Variants in FER observed in about 807,000 individuals in gnomAD.
FER encodes tyrosine-protein kinase Fer.
A neutral mutation model predicts 111.0 loss-of-function variants in FER; 63 were observed. That is an observed-to-expected ratio of 0.57 (90% CI 0.46 to 0.70). The LOEUF (loss-of-function observed/expected upper bound fraction) is 0.70, where lower values mean the gene tolerates loss of function less well. Among genes scored for constraint, FER ranks in the 30% least tolerant of loss-of-function variants. FER has a pLI of 0.00. For missense variants in FER, 914 were observed against 954.0 expected, an observed-to-expected ratio of 0.96 and a Z score of 0.55; for synonymous variants, 327 against 313.9, an observed-to-expected ratio of 1.04 and a Z score of -0.44.
At chr5:108,836,842 C>T (rs557069654) in intron 5 of FER, among the ~76,000 whole-genome samples, 1 of 151,932 alleles carries the variant, frequency 6.6e-6, no homozygotes, top group Non-Finnish European at 1.5e-5. Context: ...CCCTTGGACT[C>T]CCTGTTTGTC....
In FER at chr5:108,997,854, G is replaced by T. The variant is rs185793996; in HGVS notation, c.1656+38507G>T. 9.2e-5 allele frequency among the ~76,000 whole-genome samples: 14 copies of T among 152,276 alleles called. No homozygotes were observed. The East Asian group carries it at 2.7e-3, about 29-fold the overall frequency. ...CAGAGAGGAGGAATCTAGAGGGGCA[G>T]TCTGGCCACAGTGGCCTTGCTGAGC... On this transcript the variant is annotated intron_variant, in intron 13 of 19. Transcript: ENST00000281092.
intron 1 of FER, among the ~76,000 whole-genome samples, chr5:108,751,065 G>T (rs1156310950): frequency 6.6e-6 from 1 of 152,110 alleles, no homozygotes; most frequent in African/African-American, 2.4e-5. Context: ...GGTGGTGCAT[G>T]CCTGTAATCC....
chr5:108,906,888 T>C (rs1223343504), intron 10 of FER, among the ~76,000 whole-genome samples: 1 of 152,194 alleles, frequency 6.6e-6, no homozygotes, highest in African/African-American at 2.4e-5. Context: ...TTCTACCAGT[T>C]GAAACCTGTT....
intron 10 of FER, among the ~76,000 whole-genome samples, chr5:108,937,958 C>T (rs1755712765): frequency 6.6e-6 from 1 of 151,364 alleles, no homozygotes; most frequent in Non-Finnish European, 1.5e-5. Context: ...GTTCATCCTT[C>T]TCTTTCTTCT....
chr5:108,782,849 CT>C (rs1754249772), intron 2 of FER: 3 of 152,180 alleles, frequency 2.0e-5, no homozygotes, highest in Admixed American at 1.3e-4. Flanking sequence ...CTAATTGCCC[CT>C]GTACTGTTTG....
At chr5:109,057,690 A>C (rs1773823247) in intron 16 of FER, among the ~76,000 whole-genome samples, 2 of 152,204 alleles carry the variant, frequency 1.3e-5, no homozygotes. Context: ...AGATATAAAG[A>C]ACCTGCATAG....
intron 10 of FER, among the ~76,000 whole-genome samples, chr5:108,938,440 T>C (rs775590773): frequency 2.0e-5 from 3 of 151,834 alleles, no homozygotes; most frequent in Non-Finnish European, 4.4e-5. Flanking sequence ...GGCCAGATAT[T>C]TAGGGCCCAT....
intron 3 of FER, among the ~76,000 whole-genome samples, chr5:108,818,672 G>A (rs1758525314): frequency 6.6e-6 from 1 of 152,140 alleles, no homozygotes. Flanking sequence ...TATTGGGGCG[G>A]TTAGATAAGA....
At chr5:108,968,449 G>C (rs1760191043) in intron 13 of FER, among the ~76,000 whole-genome samples, 1 of 152,112 alleles carries the variant, frequency 6.6e-6, no homozygotes, top group Non-Finnish European at 1.5e-5. Context: ...TTCTAAGGCT[G>C]TATTCCTTGC....
chr5:108,945,482 C>T (rs1756862837), intron 10 of FER, among the ~76,000 whole-genome samples: 1 of 151,960 alleles, frequency 6.6e-6, no homozygotes. Context: ...CAGAAATACA[C>T]ATTGTGTGGC....
chr5:109,163,810 A>G (rs577909359), intron 17 of FER, among the ~76,000 whole-genome samples: 1 of 152,266 alleles, frequency 6.6e-6, no homozygotes, highest in East Asian at 1.9e-4. Context: ...GTATTCTTTG[A>G]TCATCTAACA....
chr5:109,107,724 T>C (rs1039605313), intron 17 of FER, among the ~76,000 whole-genome samples: 1 of 152,054 alleles, frequency 6.6e-6, no homozygotes, highest in Non-Finnish European at 1.5e-5. Flanking sequence ...CAAGGCAGGA[T>C]CTCTTTTTGT....
intron 3 of FER, among the ~76,000 whole-genome samples, chr5:108,821,478 TTATCACTATGAAAATTTTAA>T (rs1462022118): frequency 1.3e-5 from 2 of 152,152 alleles, no homozygotes; most frequent in African/African-American, 2.4e-5. Context: ...AATTATTATA[TTATCACTATGAAAATTTTAA>T]TATCCCAAGG....
At chr5:109,007,854 C>G (rs1304029997) in intron 13 of FER, among the ~76,000 whole-genome samples, 1 of 152,160 alleles carries the variant, frequency 6.6e-6, no homozygotes, top group Non-Finnish European at 1.5e-5. Flanking sequence ...TAAAGTGGCT[C>G]TGCTATTTTG....
chr5:108,992,986 C>T (rs1404776263), intron 13 of FER, among the ~76,000 whole-genome samples: 78 of 150,224 alleles, frequency 5.2e-4, no homozygotes, highest in African/African-American at 1.9e-3. Context: ...GGGATGGCGG[C>T]CGGGAAGAGG....
chr5:109,041,082 GA>G (rs1771113067), intron 14 of FER, among the ~76,000 whole-genome samples: 1 of 152,132 alleles, frequency 6.6e-6, no homozygotes, highest in South Asian at 2.1e-4. Context: ...CTGGGAGTGT[GA>G]ATGGTCTAAA....
At chr5:109,001,026 A>C (rs1481853318) in intron 13 of FER, among the ~76,000 whole-genome samples, 3 of 152,172 alleles carry the variant, frequency 2.0e-5, no homozygotes, top group Non-Finnish European at 4.4e-5. Context: ...CTTACCAACC[A>C]AAAAGAGTCC....
intron 13 of FER, among the ~76,000 whole-genome samples, chr5:108,981,268 T>A (rs1761990492): frequency 6.6e-6 from 1 of 152,086 alleles, no homozygotes; most frequent in Admixed American, 6.6e-5. Flanking sequence ...GGTCATTGAT[T>A]TATATATCTT....
At chr5:109,055,863 A>AAAC (rs1773578335) in intron 16 of FER, among the ~76,000 whole-genome samples, 1 of 151,164 alleles carries the variant, frequency 6.6e-6, no homozygotes, top group South Asian at 2.1e-4. Context: ...AAAAAAAAAA[A>AAAC]AAACCCAAAA....
Sources: allele counts gnomAD v4.1 joint callset (sites outside exome capture counted in the v4.1 genomes callset), GRCh38; gene constraint gnomAD v4.1.1; transcripts MANE v1.5; gene names NCBI Gene and HGNC (gene_info 2026-07-23, HGNC 2026-07-21).